ARPP19: variants seen among roughly 807,000 people sequenced by gnomAD.
The protein encoded by ARPP19 is cAMP-regulated phosphoprotein 19.
Under a neutral mutation model 12.0 loss-of-function variants are expected in ARPP19, and 8 were observed. The ratio of observed to expected loss-of-function variants is 0.67; its 90% confidence interval spans 0.39 to 1.21. ARPP19 has a LOEUF of 1.21. Among genes scored for constraint, ARPP19 ranks in the 50% most tolerant of loss-of-function variants. The pLI is 0.01. For synonymous variants in ARPP19, 47 were observed against 50.4 expected (o/e 0.93, Z 0.29); for missense variants, 102 against 136.3 (o/e 0.75, Z 1.25).
intron 2 of ARPP19, among the ~76,000 whole-genome samples, chr15:52,555,824 T>A (rs981637722): frequency 6.6e-6 from 1 of 152,040 alleles, no homozygotes; most frequent in Admixed American, 6.5e-5. Flanking sequence ...AATACTATGA[T>A]GTAATTTGCA....
intron 1 of ARPP19, among the ~76,000 whole-genome samples, chr15:52,566,527 TC>T (rs1284201998): frequency 1.3e-5 from 2 of 152,124 alleles, no homozygotes; most frequent in Non-Finnish European, 2.9e-5. Flanking sequence ...CAAGTGATCC[TC>T]CCACCTCAGC....
chr15:52,562,567 T>C (rs1419966291), intron 1 of ARPP19, among the ~76,000 whole-genome samples: 1 of 152,056 alleles, frequency 6.6e-6, no homozygotes, highest in Non-Finnish European at 1.5e-5. Flanking sequence ...TCCTGGCTGC[T>C]TGGGAGGCTG....
At chr15:52,561,954 TTTA>T (rs1207596487) in intron 1 of ARPP19, among the ~76,000 whole-genome samples, 2 of 146,968 alleles carry the variant, frequency 1.4e-5, no homozygotes, top group African/African-American at 2.6e-5. Context: ...TTTTTTTTTT[TTTA>T]TTAAGATACA....
In ARPP19 at chr15:52,551,696, T is replaced by C. The variant is rs753508018; in HGVS notation, c.*238A>G. 9.0e-6 allele frequency: 4 copies of C among 446,320 alleles called. No individual in the cohort carries two copies. Among genetic ancestry groups the C allele is most frequent in the Non-Finnish European group, 1.6e-5 (4 of 251,254 alleles). 27.6% of individuals were successfully genotyped at this position (446,320 alleles called of 1,614,324 possible). A position where few individuals can be genotyped will look rare whatever the true frequency, so the allele number is the denominator to read the frequency against. On this transcript the variant is annotated 3_prime_UTR_variant, in exon 3 of 3. Transcript: ENST00000249822. ...ACTACACTAGAAGTTAGGTAATATA[T>C]ACAACTATTTTCAAGTAGTTTACTT...
chr15:52,564,365 T>C, intron 1 of ARPP19: 2 of 699,578 alleles, frequency 2.9e-6, no homozygotes, highest in South Asian at 3.2e-5. Flanking sequence ...TATGCTATCA[T>C]TGTGCCATTG....
At position 52,548,382 on chromosome 15, in the gene ARPP19, G is replaced by A. The variant is rs1234171143; in HGVS notation, c.*3552C>T. On this transcript the variant is annotated 3_prime_UTR_variant, in exon 3 of 3. Coordinates refer to ENST00000249822, the MANE Select transcript of ARPP19 (RefSeq NM_006628.6). Reference sequence around the variant, plus strand: ...GACGCCTGTAATCCCAGCTACTTGGGAGGCTGAGGCAGGAGAACTGCTTGA... The same window carrying A: ...GACGCCTGTAATCCCAGCTACTTGGAAGGCTGAGGCAGGAGAACTGCTTGA... 6.6e-6 allele frequency: 1 copy of A among 152,258 alleles called. No individual in the cohort carries two copies. The highest frequency in any genetic ancestry group is 6.5e-5 in the Admixed American group (1 of 15,276). 9.4% of individuals were successfully genotyped at this position (152,258 alleles called of 1,614,324 possible). A position where few individuals can be genotyped will look rare whatever the true frequency, so the allele number is the denominator to read the frequency against.
Position 52,560,032 on chromosome 15 carries a change from T to C in ARPP19, c.46-2810A>G, listed in dbSNP as rs139603012. Reference sequence around the variant, plus strand: ...ATTTGAAATAGTTCTCCAAGTCTAATAGTTCCCCGAATTCCTTAAAAATTT... The same window carrying C: ...ATTTGAAATAGTTCTCCAAGTCTAACAGTTCCCCGAATTCCTTAAAAATTT... On this transcript the variant is annotated intron_variant, in intron 1 of 2. Coordinates refer to ENST00000249822, the MANE Select transcript of ARPP19 (RefSeq NM_006628.6). Among the ~76,000 whole-genome samples the C allele has an allele frequency of 2.6e-4, 40 of 152,360 alleles. No individual in the cohort carries two copies. In the East Asian group the frequency reaches 7.1e-3, roughly 27 times the overall value.
At chr15:52,562,635 AAAAC>A (rs144506431) in intron 1 of ARPP19, among the ~76,000 whole-genome samples, 15,025 of 151,888 alleles carry the variant, frequency 0.099, 827 homozygotes, top group Middle Eastern at 0.16. Context: ...TGTTTCTTTA[AAAAC>A]AAACAAACAA....
In ARPP19 at chr15:52,549,947, A is replaced by C. The variant is rs2077913870; in HGVS notation, c.*1987T>G. 6.6e-6 allele frequency: 1 copy of C among 152,596 alleles called. No individual in the cohort carries two copies. Among genetic ancestry groups the C allele is most frequent in the Non-Finnish European group, 1.5e-5 (1 of 68,034 alleles). The allele number at this position is 152,596 out of a possible 1,614,324, so 9.5% of individuals were successfully genotyped here. On this transcript the variant is annotated 3_prime_UTR_variant, in exon 3 of 3. Coordinates refer to ENST00000249822, the MANE Select transcript of ARPP19 (RefSeq NM_006628.6). Reference sequence around the variant, plus strand: ...TTCTGCCTTTTGGGGTGAGTAGATCAGGAAGATAATCAGCAAGCTTTCCTC... The same window carrying C: ...TTCTGCCTTTTGGGGTGAGTAGATCCGGAAGATAATCAGCAAGCTTTCCTC...
chr15:52,547,432 G>A lies in ARPP19; in HGVS notation c.*4502C>T, dbSNP rs144790664. The stretch of plus-strand genomic sequence containing the variant: ...GGCGAAGTGTTCTATTGCATCACAA[G>A]TGCTAGTGATGCAGTAACAGATCCA... On this transcript the variant is annotated 3_prime_UTR_variant, in exon 3 of 3. Coordinates refer to ENST00000249822, the MANE Select transcript of ARPP19 (RefSeq NM_006628.6). 1 of 152,186 alleles carries A rather than the reference G, an allele frequency of 6.6e-6. No homozygotes were observed. The highest frequency in any genetic ancestry group is 1.9e-4 in the East Asian group (1 of 5,202). The allele number at this position is 152,186 out of a possible 1,614,324, so 9.4% of individuals were successfully genotyped here.
At chr15:52,555,204 C>A (rs1462166715) in intron 2 of ARPP19, among the ~76,000 whole-genome samples, 1 of 151,988 alleles carries the variant, frequency 6.6e-6, no homozygotes, top group South Asian at 2.1e-4. Context: ...ATCTACAACA[C>A]CAACTCCAAG....
chr15:52,566,727 C>T (rs1423776070), intron 1 of ARPP19, among the ~76,000 whole-genome samples: 4 of 152,116 alleles, frequency 2.6e-5, no homozygotes, highest in African/African-American at 7.2e-5. Flanking sequence ...AGAGCCACCA[C>T]GCCTGGCTGT....
At chr15:52,557,773 T>C (rs1056458345) in intron 1 of ARPP19, 1 of 151,982 alleles carries the variant, frequency 6.6e-6, no homozygotes, top group African/African-American at 2.4e-5. Flanking sequence ...AGAGATGGGG[T>C]CTTGCTATAT....
At position 52,568,949 on chromosome 15, in the gene ARPP19, G is replaced by T; in HGVS notation, c.-57C>A. The T allele has an allele frequency of 1.6e-6, 1 of 615,794 alleles. No individual in the cohort carries two copies. Among genetic ancestry groups the T allele is most frequent in the Non-Finnish European group, 2.7e-6 (1 of 369,534 alleles). 38.1% of individuals were successfully genotyped at this position (615,794 alleles called of 1,614,324 possible). A position where few individuals can be genotyped will look rare whatever the true frequency, so the allele number is the denominator to read the frequency against. ...AAGATGCAATTAGCGGGTGGCCGAG[G>T]CCACCCGGCCGCCGCCCGTCCCAGC... On this transcript the variant is annotated 5_prime_UTR_variant, in exon 1 of 3. Coordinates refer to ENST00000249822, the MANE Select transcript of ARPP19 (RefSeq NM_006628.6).
At chr15:52,566,471 AAAAATATTTTAAAAGTAGCTCACTGT>A (rs1402861737) in intron 1 of ARPP19, among the ~76,000 whole-genome samples, 1 of 152,034 alleles carries the variant, frequency 6.6e-6, no homozygotes, top group African/African-American at 2.4e-5. Context: ...TAAATTTTTA[AAAAATATTTTAAAAGTAGCTCACTGT>A]AGCCTCGAAC....
chr15:52,550,265 G>A lies in ARPP19; in HGVS notation c.*1669C>T, dbSNP rs557192150. ...TAAGTTCTAACTAGATAAGCCACAAGTAAAACTAAATTGGTATTTTACTAA... is the reference window on the plus strand; with the variant it reads ...TAAGTTCTAACTAGATAAGCCACAAATAAAACTAAATTGGTATTTTACTAA... On this transcript the variant is annotated 3_prime_UTR_variant, in exon 3 of 3. Coordinates refer to ENST00000249822, the MANE Select transcript of ARPP19 (RefSeq NM_006628.6). The A allele has an allele frequency of 3.3e-5, 5 of 152,166 alleles. No individual in the cohort carries two copies. Among genetic ancestry groups the A allele is most frequent in the Non-Finnish European group, 7.3e-5 (5 of 68,036 alleles). The allele number at this position is 152,166 out of a possible 1,614,324, so 9.4% of individuals were successfully genotyped here.
Position 52,551,901 on chromosome 15 carries a change from G to A in ARPP19, c.*33C>T. 1 of 1,527,724 alleles carries A rather than the reference G, an allele frequency of 6.5e-7. No individual in the cohort carries two copies. Among genetic ancestry groups the A allele is most frequent in the Non-Finnish European group, 9.0e-7 (1 of 1,114,598 alleles). The allele number at this position is 1,527,724 out of a possible 1,614,324, so 94.6% of individuals were successfully genotyped here. ...GTAACATATTAAGGAGAAATAATGA[G>A]ATTTAGCAGATTCATGCAGTTCAGC... On this transcript the variant is annotated 3_prime_UTR_variant, in exon 3 of 3. Coordinates refer to ENST00000249822, the MANE Select transcript of ARPP19 (RefSeq NM_006628.6).
In ARPP19 at chr15:52,549,233, A is replaced by G. The variant is rs1469691671; in HGVS notation, c.*2701T>C. 6.6e-6 allele frequency: 1 copy of G among 152,218 alleles called. No individual in the cohort carries two copies. Among genetic ancestry groups the G allele is most frequent in the Non-Finnish European group, 1.5e-5 (1 of 68,038 alleles). 9.4% of individuals were successfully genotyped at this position (152,218 alleles called of 1,614,324 possible). On this transcript the variant is annotated 3_prime_UTR_variant, in exon 3 of 3. Transcript: ENST00000249822. ...GATAGGACAGTTATTAAAATTAACC[A>G]TTTCTGAGACTGTAACTTTGAAATT...
At chr15:52,552,621 C>T (rs1595860810) in intron 2 of ARPP19, among the ~76,000 whole-genome samples, 1 of 146,674 alleles carries the variant, frequency 6.8e-6, no homozygotes, top group East Asian at 2.1e-4. Flanking sequence ...AACCTGCCTT[C>T]AGGCTTTCTT....
Sources: allele counts gnomAD v4.1 joint callset (sites outside exome capture counted in the v4.1 genomes callset), GRCh38; gene constraint gnomAD v4.1.1; transcripts MANE v1.5; gene names NCBI Gene and HGNC (gene_info 2026-07-23, HGNC 2026-07-21).